PGK2: variants seen among roughly 807,000 people sequenced by gnomAD.
PGK2 encodes the protein phosphoglycerate kinase 2.
Under a neutral mutation model 5.2 loss-of-function variants are expected in PGK2, and 5 were observed. That is an observed-to-expected ratio of 0.96 (90% CI 0.50 to 2.01). The LOEUF (loss-of-function observed/expected upper bound fraction) is 2.01, where lower values mean the gene tolerates loss of function less well. Among genes scored for constraint, PGK2 ranks in the 30% most tolerant of loss-of-function variants. The pLI is 0.01. For synonymous variants in PGK2, 210 were observed against 182.6 expected (o/e 1.15, Z -1.21); for missense variants, 588 against 506.8 (o/e 1.16, Z -1.54).
chr6:49,786,053 A>T lies in PGK2; in HGVS notation c.1135T>A (p.Cys379Ser). The change falls in exon 1 of 1, where the codon TGC becomes AGC. Residue 379 changes from cysteine to serine, a missense_variant. Transcript: ENST00000304801. ...TCTTCAGTGTTCCATTTGGCACAGCAAGTAGCAGTGTCTCCACCCCCTATA... is the reference window on the plus strand; with the variant it reads ...TCTTCAGTGTTCCATTTGGCACAGCTAGTAGCAGTGTCTCCACCCCCTATA... ...TVIGGGDTATCCAKWNTEDKV... is the reference protein window; with the variant it reads ...TVIGGGDTATSCAKWNTEDKV... 6.2e-7 allele frequency: 1 copy of T among 1,614,140 alleles called. No homozygotes were observed. The highest frequency in any genetic ancestry group is 8.5e-7 in the Non-Finnish European group (1 of 1,179,982).
rs775325509 is a variant in PGK2, at chr6:49,786,402, T to C, written c.786A>G (p.Gly262=). The part of the protein sequence containing the change: ...EIGASLFDEE[G]AKIVKDIMAK... ...CCATGATATCTTTAACGATCTTGGC[T>C]CCCTCTTCATCAAACAGGGAAGCAC... Residue 262 remains glycine (G), a synonymous_variant, in exon 1 of 1, where the codon GGA becomes GGG. Transcript: ENST00000304801. The C allele has an allele frequency of 6.2e-7, 1 of 1,614,078 alleles. No homozygotes were observed. The highest frequency in any genetic ancestry group is 8.5e-7 in the Non-Finnish European group (1 of 1,179,986).
Position 49,786,034 on chromosome 6 carries a change from G to C in PGK2, c.1154C>G (p.Thr385Ser), listed in dbSNP as rs1175710067. 1.2e-6 allele frequency: 2 copies of C among 1,613,980 alleles called. No homozygotes were observed. The highest frequency in any genetic ancestry group is 1.7e-6 in the Non-Finnish European group (2 of 1,179,966). ...DTATCCAKWN[T>S]EDKVSHVSTG... is the part of the protein sequence containing the mutation. ...GCTGACATGGCTGACTTTATCTTCA[G>C]TGTTCCATTTGGCACAGCAAGTAGC... is the stretch of plus-strand genomic sequence containing the variant. The change falls in exon 1 of 1, where the codon ACT becomes AGT. Residue 385 changes from threonine to serine, a missense_variant. Physicochemically the swap from Thr to Ser is moderately conservative, Grantham distance 58. Coordinates refer to ENST00000304801, the MANE Select transcript of PGK2 (RefSeq NM_138733.5).
rs1769904980 is a variant in PGK2 at position 49,786,311 on chromosome 6, C to A, written c.877G>T (p.Asp293Tyr). ...GCTTTTCCAACCTGAGCGTTCTCGTCAAACTTGTCCCCAGTAACAAAATCA... is the reference window on the plus strand; with the variant it reads ...GCTTTTCCAACCTGAGCGTTCTCGTAAAACTTGTCCCCAGTAACAAAATCA... ...PVDFVTGDKFDENAQVGKATV... is the reference protein window; with the variant it reads ...PVDFVTGDKFYENAQVGKATV... The change falls in exon 1 of 1, where the codon GAC becomes TAC. Residue 293 changes from aspartate to tyrosine, a missense_variant. Asp to Tyr is a radical substitution (Grantham distance 160, BLOSUM62 -3). Transcript: ENST00000304801. The A allele has an allele frequency of 6.2e-7, 1 of 1,614,202 alleles. No individual in the cohort carries two copies. The highest frequency in any genetic ancestry group is 1.3e-5 in the African/African-American group (1 of 75,066).
Position 49,786,415 on chromosome 6 carries a change from A to T in PGK2, c.773T>A (p.Phe258Tyr). The T allele has an allele frequency of 2.5e-6, 4 of 1,614,124 alleles. No homozygotes were observed. The highest frequency in any genetic ancestry group is 3.4e-6 in the Non-Finnish European group (4 of 1,179,994). The change falls in exon 1 of 1, where the codon TTT (phenylalanine) becomes TAT (tyrosine). Residue 258 changes from phenylalanine (F) to tyrosine (Y), a missense_variant. Transcript: ENST00000304801. ...LNNMEIGASL[F>Y]DEEGAKIVKD... The stretch of plus-strand genomic sequence containing the variant: ...AACGATCTTGGCTCCCTCTTCATCA[A>T]ACAGGGAAGCACCAATCTCCATGTT...
In PGK2 at chr6:49,785,743, C is replaced by T. The variant is rs778572928; in HGVS notation, c.*191G>A. The T allele has an allele frequency of 5.2e-6, 3 of 580,082 alleles. No homozygotes were observed. The highest frequency in any genetic ancestry group is 9.2e-6 in the Non-Finnish European group (3 of 326,976). 35.9% of individuals were successfully genotyped at this position (580,082 alleles called of 1,614,324 possible). On this transcript the variant is annotated 3_prime_UTR_variant, in exon 1 of 1. Coordinates refer to ENST00000304801, the MANE Select transcript of PGK2 (RefSeq NM_138733.5). ...GGTGAAGTTCAAATGAGAACTTGAACAGGCAAATGCGTGACCAAACTAAAA... is the reference window on the plus strand; with the variant it reads ...GGTGAAGTTCAAATGAGAACTTGAATAGGCAAATGCGTGACCAAACTAAAA...
chr6:49,786,562 A>G lies in PGK2; in HGVS notation c.626T>C (p.Leu209Pro). The G allele has an allele frequency of 6.2e-7, 1 of 1,614,156 alleles. No homozygotes were observed. The highest frequency in any genetic ancestry group is 8.5e-7 in the Non-Finnish European group (1 of 1,180,026). ...KALENPVRPF[L>P]AILGGAKVAD... ...CACTTTGGCTCCACCAAGTATAGCCAGAAAGGGTCTCACTGGGTTTTCCAA... is the reference window on the plus strand; with the variant it reads ...CACTTTGGCTCCACCAAGTATAGCCGGAAAGGGTCTCACTGGGTTTTCCAA... Residue 209 changes from leucine to proline, a missense_variant, in exon 1 of 1, where the codon CTG (leucine) becomes CCG (proline). By Grantham distance (98) the Leu-to-Pro change is moderately conservative (BLOSUM62 -3). Coordinates refer to ENST00000304801, the MANE Select transcript of PGK2 (RefSeq NM_138733.5).
chr6:49,786,261 A>G lies in PGK2; in HGVS notation c.927T>C (p.Pro309=). The G allele has an allele frequency of 1.2e-6, 2 of 1,614,134 alleles. No homozygotes were observed. The highest frequency in any genetic ancestry group is 1.7e-6 in the Non-Finnish European group (2 of 1,179,962). ...GACCACAGTCCAAACCCATCCAGCCAGGAGATATGCCAGATGCTACAGTGG... is the reference window on the plus strand; with the variant it reads ...GACCACAGTCCAAACCCATCCAGCCGGGAGATATGCCAGATGCTACAGTGG... ...GKATVASGIS[P]GWMGLDCGPE... Residue 309 remains proline, a synonymous_variant, in exon 1 of 1, where the codon CCT becomes CCC. Coordinates refer to ENST00000304801, the MANE Select transcript of PGK2 (RefSeq NM_138733.5).
chr6:49,786,772 T>C lies in PGK2; in HGVS notation c.416A>G (p.Lys139Arg). 6.2e-7 allele frequency: 1 copy of C among 1,614,130 alleles called. No homozygotes were observed. Among genetic ancestry groups the C allele is most frequent in the South Asian group, 1.1e-5 (1 of 91,074 alleles). Residue 139 changes from lysine (K) to arginine (R), a missense_variant, in exon 1 of 1, where the codon AAG becomes AGG. Transcript: ENST00000304801. ...TATTTTATCTGGCTCAGCTTTAATC[T>C]TCTTTCCAGAGGGATCTTGGCCCTT... Reference protein sequence around the residue: ...EGKGQDPSGKKIKAEPDKIEA... With the variant: ...EGKGQDPSGKRIKAEPDKIEA...
rs768181677 is a variant in PGK2 at position 49,786,170 on chromosome 6, A to G, written c.1018T>C (p.Leu340=). Reference sequence around the variant, plus strand: ...AAGGCATCCCATTCAAATACTCCTAACGGCCCATTCCAAACAATTAGCCTT... The same window carrying G: ...AAGGCATCCCATTCAAATACTCCTAGCGGCCCATTCCAAACAATTAGCCTT... The part of the protein sequence containing the change: ...QARLIVWNGP[L]GVFEWDAFAK... Residue 340 remains leucine, a synonymous_variant, in exon 1 of 1, where the codon TTA becomes CTA. Coordinates refer to ENST00000304801, the MANE Select transcript of PGK2 (RefSeq NM_138733.5). 1.2e-6 allele frequency: 2 copies of G among 1,614,004 alleles called. No homozygotes were observed. Among genetic ancestry groups the G allele is most frequent in the Admixed American group, 3.3e-5 (2 of 59,992 alleles).
Position 49,786,579 on chromosome 6 carries a change from G to A in PGK2, c.609C>T (p.Asn203=), listed in dbSNP as rs779729713. 2 of 1,613,990 alleles carry A rather than the reference G, an allele frequency of 1.2e-6. No homozygotes were observed. The highest frequency in any genetic ancestry group is 2.2e-5 in the East Asian group (1 of 44,888). Residue 203 remains asparagine (N), a synonymous_variant, in exon 1 of 1, where the codon AAC becomes AAT. Transcript: ENST00000304801. ...ELDYFAKALE[N]PVRPFLAILG... is the part of the protein sequence containing the mutation. ...GTATAGCCAGAAAGGGTCTCACTGG[G>A]TTTTCCAAGGCTTTAGCAAAGTAAT... is the stretch of plus-strand genomic sequence containing the variant.
chr6:49,786,016 T>G lies in PGK2; in HGVS notation c.1172A>C (p.His391Pro). 6.2e-7 allele frequency: 1 copy of G among 1,614,172 alleles called. No individual in the cohort carries two copies. The highest frequency in any genetic ancestry group is 1.1e-5 in the South Asian group (1 of 91,088). ...AKWNTEDKVS[H>P]VSTGGGASLE... ...ACTGGCACCGCCTCCAGTGCTGACA[T>G]GGCTGACTTTATCTTCAGTGTTCCA... Residue 391 changes from histidine to proline, a missense_variant, in exon 1 of 1, where the codon CAT becomes CCT. By Grantham distance (77) the His-to-Pro change is moderately conservative. Transcript: ENST00000304801.
At position 49,787,044 on chromosome 6, in the gene PGK2, C is replaced by G. The variant is rs781333531; in HGVS notation, c.144G>C (p.Lys48Asn). 9.9e-6 allele frequency: 16 copies of G among 1,614,012 alleles called. No individual in the cohort carries two copies. Among genetic ancestry groups the G allele is most frequent in the African/African-American group, 1.3e-5 (1 of 74,926 alleles). ...QRIKASIPSI[K>N]YCLDNGAKAV... The stretch of plus-strand genomic sequence containing the variant: ...CCTTGGCTCCATTGTCCAGGCAGTA[C>G]TTGATGCTTGGGATGGAAGCCTTGA... Residue 48 changes from lysine (K) to asparagine (N), a missense_variant, in exon 1 of 1, where the codon AAG becomes AAC. Physicochemically the swap from Lys to Asn is moderately conservative, Grantham distance 94. Coordinates refer to ENST00000304801, the MANE Select transcript of PGK2 (RefSeq NM_138733.5).
Position 49,785,841 on chromosome 6 carries a change from G to C in PGK2, c.*93C>G. On this transcript the variant is annotated 3_prime_UTR_variant, in exon 1 of 1. Coordinates refer to ENST00000304801, the MANE Select transcript of PGK2 (RefSeq NM_138733.5). ...CCATTACATAGGTCTTGATCTAGGA[G>C]TAGATTTTAACAAAAGTCACATCGA... 9.9e-7 allele frequency: 1 copy of C among 1,010,802 alleles called. No homozygotes were observed. Among genetic ancestry groups the C allele is most frequent in the Non-Finnish European group, 1.5e-6 (1 of 671,844 alleles). The allele number at this position is 1,010,802 out of a possible 1,614,324, so 62.6% of individuals were successfully genotyped here.
rs200196486 is a variant in PGK2 at position 49,786,677 on chromosome 6, G to C, written c.511C>G (p.Arg171Gly). ...ACTCCCACCATGGAACTATGAGCGC[G>C]GTGTGCAGTGCCAAAAGCATCATTG... is the stretch of plus-strand genomic sequence containing the variant. ...YVNDAFGTAH[R>G]AHSSMVGVNL... The change falls in exon 1 of 1, where the codon CGC (arginine) becomes GGC (glycine). Residue 171 changes from arginine (R) to glycine (G), a missense_variant. Transcript: ENST00000304801. 13 of 1,614,078 alleles carry C rather than the reference G, an allele frequency of 8.1e-6. No individual in the cohort carries two copies. The South Asian group carries it at 1.3e-4, about 16-fold the overall frequency.
rs765159551 is a variant in PGK2, at chr6:49,787,096, T to G, written c.92A>C (p.Lys31Thr). 6.2e-7 allele frequency: 1 copy of G among 1,613,994 alleles called. No homozygotes were observed. Among genetic ancestry groups the G allele is most frequent in the East Asian group, 2.2e-5 (1 of 44,880 alleles). ...MRVDFNVPMK[K>T]NQITNNQRIK... Reference sequence around the variant, plus strand: ...CCTCTGGTTGTTTGTAATCTGGTTCTTCTTCATGGGAACATTGAAGTCTAC... The same window carrying G: ...CCTCTGGTTGTTTGTAATCTGGTTCGTCTTCATGGGAACATTGAAGTCTAC... The change falls in exon 1 of 1, where the codon AAG (lysine) becomes ACG (threonine). Residue 31 changes from lysine to threonine, a missense_variant. Transcript: ENST00000304801.
At position 49,786,127 on chromosome 6, in the gene PGK2, G is replaced by C; in HGVS notation, c.1061C>G (p.Ala354Gly). Residue 354 changes from alanine (A) to glycine (G), a missense_variant, in exon 1 of 1, where the codon GCC (alanine) becomes GGC (glycine). Physicochemically the swap from Ala to Gly is moderately conservative, Grantham distance 60. Coordinates refer to ENST00000304801, the MANE Select transcript of PGK2 (RefSeq NM_138733.5). ...GGCTTTCACAATTTCATCCATGAGGGCTTTGGTTCCCTTAGCAAAGGCATC... is the reference window on the plus strand; with the variant it reads ...GGCTTTCACAATTTCATCCATGAGGCCTTTGGTTCCCTTAGCAAAGGCATC... ...EWDAFAKGTK[A>G]LMDEIVKATS... The C allele has an allele frequency of 6.2e-7, 1 of 1,614,058 alleles. No individual in the cohort carries two copies. Among genetic ancestry groups the C allele is most frequent in the Non-Finnish European group, 8.5e-7 (1 of 1,180,016 alleles).
Position 49,785,785 on chromosome 6 carries a change from T to C in PGK2, c.*149A>G. ...AAACTAAAATGAATTGCTGTGCTGA[T>C]ATTAAGAGTTCCTGATGGCCTGCTG... On this transcript the variant is annotated 3_prime_UTR_variant, in exon 1 of 1. Transcript: ENST00000304801. 1 of 636,462 alleles carries C rather than the reference T, an allele frequency of 1.6e-6. No homozygotes were observed. The highest frequency in any genetic ancestry group is 2.7e-5 in the East Asian group (1 of 36,928). 39.4% of individuals were successfully genotyped at this position (636,462 alleles called of 1,614,324 possible). A position where few individuals can be genotyped will look rare whatever the true frequency, so the allele number is the denominator to read the frequency against.
Position 49,786,196 on chromosome 6 carries a change from G to C in PGK2, c.992C>G (p.Ala331Gly), listed in dbSNP as rs2127459890. ...NKNHAQVVAQ[A>G]RLIVWNGPLG... ...CGGCCCATTCCAAACAATTAGCCTT[G>C]CTTGAGCCACAACTTGAGCATGATT... The change falls in exon 1 of 1, where the codon GCA (alanine) becomes GGA (glycine). Residue 331 changes from alanine (A) to glycine (G), a missense_variant. Physicochemically the swap from Ala to Gly is moderately conservative, Grantham distance 60 (BLOSUM62 0). Coordinates refer to ENST00000304801, the MANE Select transcript of PGK2 (RefSeq NM_138733.5). 6.2e-7 allele frequency: 1 copy of C among 1,614,094 alleles called. No homozygotes were observed. Among genetic ancestry groups the C allele is most frequent in the South Asian group, 1.1e-5 (1 of 91,088 alleles).
rs746556167 is a variant in PGK2, at chr6:49,787,078, T to C, written c.110A>G (p.Asn37Ser). Reference sequence around the variant, plus strand: ...TGGGATGGAAGCCTTGATCCTCTGGTTGTTTGTAATCTGGTTCTTCTTCAT... The same window carrying C: ...TGGGATGGAAGCCTTGATCCTCTGGCTGTTTGTAATCTGGTTCTTCTTCAT... ...VPMKKNQITN[N>S]QRIKASIPSI... Residue 37 changes from asparagine to serine, a missense_variant, in exon 1 of 1, where the codon AAC becomes AGC. Coordinates refer to ENST00000304801, the MANE Select transcript of PGK2 (RefSeq NM_138733.5). The C allele has an allele frequency of 7.4e-6, 12 of 1,613,900 alleles. No individual in the cohort carries two copies. The Admixed American group carries it at 1.3e-4, about 18-fold the overall frequency.
Sources: gnomAD v4.1 joint callset for allele counts on GRCh38, gnomAD v4.1.1 for gene constraint, MANE v1.5 for transcripts, NCBI Gene and HGNC (gene_info 2026-07-23, HGNC 2026-07-21) for gene names.